The following RSU1 variants were observed in gnomAD, a reference collection of about 807,000 sequenced individuals.
The protein encoded by RSU1 is Ras suppressor protein 1, also known as rsu-1.
RSU1 carries 26 observed loss-of-function variants against 31.1 expected under a neutral mutation model. The ratio of observed to expected loss-of-function variants is 0.84; its 90% CI spans 0.61 to 1.16. The LOEUF (loss-of-function observed/expected upper bound fraction) is 1.16. RSU1 is among the 50% of genes most tolerant of loss of function. The probability of loss-of-function intolerance (pLI) is 0.00; values close to 1 mark genes in which losing one functional copy is unlikely to be tolerated. For missense variants in RSU1, 320 were observed against 339.1 expected (o/e 0.94, Z 0.44); for synonymous variants, 164 against 136.3 (o/e 1.20, Z -1.41).
At chr10:16,731,516 C>A (rs11598958) in intron 7 of RSU1, among the ~76,000 whole-genome samples, 1 of 151,768 alleles carries the variant, frequency 6.6e-6, no homozygotes, top group Non-Finnish European at 1.5e-5. Flanking sequence ...GATAGAATTC[C>A]AAGGGAGCTT....
At chr10:16,666,275 T>C (rs1465628306) in intron 8 of RSU1, among the ~76,000 whole-genome samples, 1 of 152,166 alleles carries the variant, frequency 6.6e-6, no homozygotes, top group Non-Finnish European at 1.5e-5. Flanking sequence ...TAATAGATCA[T>C]ATCTACATCT....
intron 7 of RSU1, among the ~76,000 whole-genome samples, chr10:16,718,888 G>C (rs1249817856): frequency 6.6e-6 from 1 of 151,898 alleles, no homozygotes; most frequent in East Asian, 1.9e-4. Context: ...GGCTGGGACA[G>C]GAGAATTGCT....
intron 4 of RSU1, among the ~76,000 whole-genome samples, chr10:16,758,474 T>C (rs1837140855): frequency 6.6e-6 from 1 of 152,062 alleles, no homozygotes; most frequent in South Asian, 2.1e-4. Context: ...ACAGTGGCGG[T>C]AGGAAAAGTA....
rs75600559 is a variant in RSU1 at position 16,707,478 on chromosome 10, A to G, written c.599-12323T>C. 3.9e-3 allele frequency among the ~76,000 whole-genome samples: 591 copies of G among 151,102 alleles called. 1 individual carries two copies. The highest frequency in any genetic ancestry group is 6.9e-3 in the Middle Eastern group (2 of 290). ...ATTTGCACTTTCTTGATGATTACTG[A>G]TGTTGAGCATTTTTTCATATACATG... On this transcript the variant is annotated intron_variant, in intron 7 of 8. Coordinates refer to ENST00000345264, the MANE Select transcript of RSU1 (RefSeq NM_012425.4).
intron 8 of RSU1, among the ~76,000 whole-genome samples, chr10:16,614,799 C>T (rs1169810220): frequency 1.3e-5 from 2 of 152,130 alleles, no homozygotes; most frequent in Admixed American, 6.5e-5. Context: ...TGCAGAGCCA[C>T]CGAGGCAAGA....
chr10:16,705,183 T>C (rs11254162), intron 7 of RSU1, among the ~76,000 whole-genome samples: 3 of 152,022 alleles, frequency 2.0e-5, no homozygotes. Context: ...TCATCCATGT[T>C]GTAGCATATG....
intron 3 of RSU1, among the ~76,000 whole-genome samples, chr10:16,770,706 AGAG>A (rs2131637028): frequency 6.6e-6 from 1 of 152,350 alleles, no homozygotes; most frequent in African/African-American, 2.4e-5. Flanking sequence ...AAGGGGATGA[AGAG>A]GAGGACTTAA....
At chr10:16,776,937 G>C (rs886628084) in intron 3 of RSU1, among the ~76,000 whole-genome samples, 1 of 146,312 alleles carries the variant, frequency 6.8e-6, no homozygotes, top group Admixed American at 6.8e-5. Flanking sequence ...TTTTTTTTTT[G>C]AGATAGGGTC....
At chr10:16,604,977 C>T (rs1327322908) in intron 8 of RSU1, among the ~76,000 whole-genome samples, 2 of 152,140 alleles carry the variant, frequency 1.3e-5, no homozygotes, top group Non-Finnish European at 2.9e-5. Context: ...AGCACTGTGG[C>T]GAGAGAGCCT....
chr10:16,693,337 G>A (rs1249400264), intron 8 of RSU1, among the ~76,000 whole-genome samples: 1 of 152,200 alleles, frequency 6.6e-6, no homozygotes, highest in Non-Finnish European at 1.5e-5. Context: ...TTGACCAGGA[G>A]CATGGCGCTC....
chr10:16,594,651 ATATATCATATATTATC>A (rs1012453677), intron 8 of RSU1, among the ~76,000 whole-genome samples: 27 of 144,220 alleles, frequency 1.9e-4, no homozygotes, highest in Non-Finnish European at 2.8e-4. Context: ...TATATATGAT[ATATATCATATATTATC>A]TATATCATAT....
chr10:16,784,546 G>A (rs1837731160), intron 2 of RSU1, among the ~76,000 whole-genome samples: 1 of 152,146 alleles, frequency 6.6e-6, no homozygotes, highest in African/African-American at 2.4e-5. Flanking sequence ...GTATTAGCCT[G>A]TTCTCACGCT....
At chr10:16,629,548 A>G (rs1373632710) in intron 8 of RSU1, among the ~76,000 whole-genome samples, 3 of 152,200 alleles carry the variant, frequency 2.0e-5, no homozygotes, top group Non-Finnish European at 2.9e-5. Context: ...AAGAAAAATG[A>G]GATTTAATAA....
chr10:16,648,773 A>G (rs551097162), intron 8 of RSU1, among the ~76,000 whole-genome samples: 23 of 119,696 alleles, frequency 1.9e-4, no homozygotes, highest in African/African-American at 6.8e-4. Flanking sequence ...AAACCAAGAT[A>G]CTTTAAATAA....
At chr10:16,773,732 T>C (rs1294179293) in intron 3 of RSU1, among the ~76,000 whole-genome samples, 1 of 152,200 alleles carries the variant, frequency 6.6e-6, no homozygotes, top group East Asian at 1.9e-4. Context: ...TTCTTGATGG[T>C]CCCACAGGCT....
At chr10:16,764,288 C>A in intron 4 of RSU1, 102 bp downstream of exon 4, 1 of 1,272,730 alleles carries the variant, frequency 7.9e-7, no homozygotes, top group Admixed American at 2.8e-5. Flanking sequence ...ATTAGAAATC[C>A]ATTTCTGTGC....
intron 8 of RSU1, among the ~76,000 whole-genome samples, chr10:16,613,687 T>C (rs922676686): frequency 6.6e-6 from 1 of 152,186 alleles, no homozygotes; most frequent in Admixed American, 6.5e-5. Context: ...CTGAAATGTA[T>C]TCAGACAGGC....
At chr10:16,667,990 A>G (rs1023712779) in intron 8 of RSU1, among the ~76,000 whole-genome samples, 1 of 152,228 alleles carries the variant, frequency 6.6e-6, no homozygotes, top group African/African-American at 2.4e-5. Context: ...AATAAATGCT[A>G]AAGGAGGAGC....
chr10:16,805,553 G>A (rs1280849572), intron 2 of RSU1, among the ~76,000 whole-genome samples: 3 of 150,666 alleles, frequency 2.0e-5, no homozygotes, highest in African/African-American at 7.3e-5. Flanking sequence ...GCGGGCGCCT[G>A]TAATCCCAGT....
Sources: allele counts gnomAD v4.1 joint callset (sites outside exome capture counted in the v4.1 genomes callset), GRCh38; gene constraint gnomAD v4.1.1; transcripts MANE v1.5; gene names NCBI Gene and HGNC (gene_info 2026-07-23, HGNC 2026-07-21).